VMP1: variants seen among roughly 807,000 people sequenced by gnomAD.
VMP1 encodes the protein vacuole membrane protein 1.
VMP1 carries 11 observed loss-of-function variants against 56.0 expected under a neutral mutation model. That is an observed-to-expected ratio of 0.20 (90% CI 0.12 to 0.32). The LOEUF is 0.32. Ranked by LOEUF, VMP1 falls within the 10% of genes least tolerant of loss-of-function variation. The pLI is 1.00. For missense variants in VMP1, 296 were observed against 490.3 expected, an observed-to-expected ratio of 0.60 and a Z score of 3.74; for synonymous variants, 149 against 165.0, an observed-to-expected ratio of 0.90 and a Z score of 0.74.
intron 7 of VMP1, among the ~76,000 whole-genome samples, chr17:59,801,742 A>G (rs2037673789): frequency 6.6e-6 from 1 of 152,008 alleles, no homozygotes; most frequent in African/African-American, 2.4e-5. Flanking sequence ...TACAAATACA[A>G]AAATTAGCCA....
At chr17:59,746,717 G>A (rs2035437366) in intron 5 of VMP1, among the ~76,000 whole-genome samples, 1 of 152,160 alleles carries the variant, frequency 6.6e-6, no homozygotes, top group African/African-American at 2.4e-5. Flanking sequence ...GTTTATGCAA[G>A]AATAGTGGTT....
chr17:59,813,926 T>C (rs2038139182), intron 9 of VMP1, among the ~76,000 whole-genome samples: 1 of 152,092 alleles, frequency 6.6e-6, no homozygotes, highest in Non-Finnish European at 1.5e-5. Flanking sequence ...TTCAGAAAGA[T>C]TTAAAACTAG....
intron 7 of VMP1, among the ~76,000 whole-genome samples, chr17:59,780,372 C>T (rs2036776878): frequency 6.6e-6 from 1 of 152,176 alleles, no homozygotes; most frequent in African/African-American, 2.4e-5. Flanking sequence ...GGGCGGATCA[C>T]TTGAGGTCAG....
intron 5 of VMP1, among the ~76,000 whole-genome samples, chr17:59,760,524 T>C (rs115474950): frequency 0.014 from 2,194 of 152,334 alleles, 45 homozygotes; most frequent in African/African-American, 0.049. Context: ...TCTACTCTAT[T>C]GTTTTTAAGA....
intron 1 of VMP1, among the ~76,000 whole-genome samples, chr17:59,713,425 A>G (rs760236999): frequency 1.6e-4 from 25 of 152,126 alleles, no homozygotes; most frequent in Non-Finnish European, 3.4e-4. Flanking sequence ...TAAATCATCC[A>G]AGTCACGCAC....
intron 9 of VMP1, among the ~76,000 whole-genome samples, chr17:59,817,142 G>A (rs957898460): frequency 2.4e-4 from 35 of 148,824 alleles, no homozygotes; most frequent in East Asian, 1.4e-3. Flanking sequence ...GCATGGTAGC[G>A]CATCCCTGTA....
At chr17:59,778,202 C>G (rs949020600) in intron 7 of VMP1, among the ~76,000 whole-genome samples, 5 of 152,138 alleles carry the variant, frequency 3.3e-5, no homozygotes, top group African/African-American at 9.7e-5. Flanking sequence ...GAGTTCGAGG[C>G]TTTCCTCAAA....
intron 7 of VMP1, among the ~76,000 whole-genome samples, chr17:59,779,283 A>G (rs1388772953): frequency 6.6e-6 from 1 of 152,196 alleles, no homozygotes; most frequent in African/African-American, 2.4e-5. Flanking sequence ...CTACACAAAC[A>G]CAAGCACAAG....
At chr17:59,717,794 C>T (rs1484020531) in intron 1 of VMP1, among the ~76,000 whole-genome samples, 1 of 152,106 alleles carries the variant, frequency 6.6e-6, no homozygotes, top group Non-Finnish European at 1.5e-5. Flanking sequence ...GTGGTGCGTG[C>T]CTGTTATCCC....
At chr17:59,774,005 AAG>A (rs1256693803) in intron 7 of VMP1, 120 bp downstream of exon 7, 39 of 1,016,986 alleles carry the variant, frequency 3.8e-5, no homozygotes, top group Middle Eastern at 6.8e-4. Flanking sequence ...AAAAAAAAGA[AAG>A]AAAAATATTG....
At chr17:59,796,891 G>T (rs866411745) in intron 7 of VMP1, among the ~76,000 whole-genome samples, 1 of 152,060 alleles carries the variant, frequency 6.6e-6, no homozygotes, top group Non-Finnish European at 1.5e-5. Context: ...GTCTACTACA[G>T]TTAAACATAC....
intron 1 of VMP1, among the ~76,000 whole-genome samples, chr17:59,710,682 C>T (rs1476568088): frequency 6.6e-6 from 1 of 152,178 alleles, no homozygotes; most frequent in Non-Finnish European, 1.5e-5. Flanking sequence ...TGAGTTCATG[C>T]TTCATGACTG....
chr17:59,765,344 T>C (rs1295933093), intron 6 of VMP1, among the ~76,000 whole-genome samples: 1 of 152,132 alleles, frequency 6.6e-6, no homozygotes, highest in Non-Finnish European at 1.5e-5. Context: ...ACCATATGTA[T>C]CACAAAGCAA....
intron 5 of VMP1, among the ~76,000 whole-genome samples, chr17:59,749,151 G>T (rs2035548047): frequency 6.6e-6 from 1 of 151,196 alleles, no homozygotes; most frequent in Non-Finnish European, 1.5e-5. Context: ...TAGAGACGGG[G>T]TTTCACTGTG....
At chr17:59,806,972 T>G (rs1340609840) in intron 7 of VMP1, among the ~76,000 whole-genome samples, 1 of 151,960 alleles carries the variant, frequency 6.6e-6, no homozygotes, top group African/African-American at 2.4e-5. Flanking sequence ...CTTCAACAAG[T>G]AGAGTTAGGT....
At chr17:59,749,028 C>T (rs2035541381) in intron 5 of VMP1, among the ~76,000 whole-genome samples, 1 of 151,264 alleles carries the variant, frequency 6.6e-6, no homozygotes, top group African/African-American at 2.4e-5. Context: ...CGGCTCACTG[C>T]AACCTCTGCT....
chr17:59,740,266 C>T (rs912677839), intron 5 of VMP1, among the ~76,000 whole-genome samples: 1 of 152,058 alleles, frequency 6.6e-6, no homozygotes, highest in Non-Finnish European at 1.5e-5. Flanking sequence ...ATAAGTGCCT[C>T]ATTAAATTTT....
At chr17:59,713,440 A>G (rs2034012252) in intron 1 of VMP1, among the ~76,000 whole-genome samples, 1 of 152,140 alleles carries the variant, frequency 6.6e-6, no homozygotes, top group African/African-American at 2.4e-5. Flanking sequence ...ACGCACTTAC[A>G]TATATAAATC....
intron 6 of VMP1, among the ~76,000 whole-genome samples, chr17:59,771,307 G>A (rs1235373794): frequency 6.6e-6 from 1 of 151,872 alleles, no homozygotes; most frequent in Non-Finnish European, 1.5e-5. Context: ...TGAATAGCTG[G>A]GACTAAAGGC....
Sources: allele counts gnomAD v4.1 joint callset (sites outside exome capture counted in the v4.1 genomes callset), GRCh38; gene constraint gnomAD v4.1.1; transcripts MANE v1.5; gene names NCBI Gene and HGNC (gene_info 2026-07-23, HGNC 2026-07-21).